The following CAMK1D variants were observed in gnomAD, a reference collection of about 807,000 sequenced individuals.
CAMK1D encodes calcium/calmodulin dependent protein kinase ID, also known as calcium/calmodulin-dependent protein kinase type 1D.
Under a neutral mutation model 47.7 loss-of-function variants are expected in CAMK1D, and 9 were observed. The observed-to-expected ratio is 0.19, with a 90% CI of 0.11 to 0.33. The LOEUF (loss-of-function observed/expected upper bound fraction) is 0.33. CAMK1D is among the 10% of genes least tolerant of loss of function. The pLI is 1.00. For missense variants in CAMK1D, 291 were observed against 488.7 expected (o/e 0.60, Z 3.81); for synonymous variants, 184 against 184.9 (o/e 0.99, Z 0.04).
At chr10:12,489,172 T>C (rs188169297) in intron 1 of CAMK1D, among the ~76,000 whole-genome samples, 1 of 152,220 alleles carries the variant, frequency 6.6e-6, no homozygotes, top group Non-Finnish European at 1.5e-5. Flanking sequence ...TCCCCTGACC[T>C]TGTGATCCGC....
At chr10:12,554,615 G>A (rs11257884) in intron 2 of CAMK1D, among the ~76,000 whole-genome samples, 48,214 of 145,310 alleles carry the variant, frequency 0.33, 9,485 homozygotes, top group Admixed American at 0.35. Context: ...TTGTCTCACC[G>A]CAGCCTCAAC....
chr10:12,778,782 A>T (rs1183679696), intron 5 of CAMK1D, among the ~76,000 whole-genome samples: 3 of 152,160 alleles, frequency 2.0e-5, no homozygotes, highest in Admixed American at 1.3e-4. Context: ...CTGACGCAGG[A>T]GGATCACCTG....
At chr10:12,471,225 T>A (rs534983316) in intron 1 of CAMK1D, among the ~76,000 whole-genome samples, 2 of 152,316 alleles carry the variant, frequency 1.3e-5, no homozygotes, top group South Asian at 4.1e-4. Flanking sequence ...TGTCCCACTT[T>A]CAAAGTGGGA....
intron 3 of CAMK1D, among the ~76,000 whole-genome samples, chr10:12,727,558 AAC>A (rs1303626452): frequency 6.6e-6 from 1 of 152,196 alleles, no homozygotes; most frequent in Non-Finnish European, 1.5e-5. Context: ...CACAACAGAC[AAC>A]AGTGTCTTCT....
intron 6 of CAMK1D, among the ~76,000 whole-genome samples, chr10:12,806,606 G>A (rs1172839721): frequency 1.3e-5 from 2 of 152,212 alleles, no homozygotes; most frequent in Non-Finnish European, 2.9e-5. Flanking sequence ...CCGTGTTGAG[G>A]CTCCTCCCCT....
chr10:12,829,732 C>CAA lies in CAMK1D; in HGVS notation c.*861_*862dup, dbSNP rs33936519. 40,976 of 125,504 alleles carry CAA rather than the reference C, an allele frequency of 0.33. 6,409 individuals carry two copies. The highest frequency in any genetic ancestry group is 0.44 in the South Asian group (1,606 of 3,674). The allele number at this position is 125,504 out of a possible 1,614,324, so 7.8% of individuals were successfully genotyped here. A position where few individuals can be genotyped will look rare whatever the true frequency, so the allele number is the denominator to read the frequency against. On this transcript the variant is annotated 3_prime_UTR_variant, in exon 11 of 11. Transcript: ENST00000619168. ...TGGGTGACAGAGCAAGACTCTGTCT[C>CAA]AAAAAAAAAAAAAAAAATTCTAACA... is the stretch of plus-strand genomic sequence containing the variant.
intron 1 of CAMK1D, among the ~76,000 whole-genome samples, chr10:12,390,249 A>T (rs1475621125): frequency 1.3e-5 from 2 of 151,270 alleles, no homozygotes; most frequent in Admixed American, 6.6e-5. Context: ...TTTAAAAATT[A>T]AAAAAAAAGA....
intron 1 of CAMK1D, among the ~76,000 whole-genome samples, chr10:12,503,953 A>G (rs1050121399): frequency 1.3e-5 from 2 of 152,056 alleles, no homozygotes; most frequent in Non-Finnish European, 2.9e-5. Flanking sequence ...CCTCAGCTGG[A>G]TTTCATGTGG....
intron 2 of CAMK1D, among the ~76,000 whole-genome samples, chr10:12,647,196 G>C (rs993529190): frequency 7.1e-5 from 10 of 141,454 alleles, no homozygotes; most frequent in African/African-American, 2.6e-4. Flanking sequence ...TGTTGCCCAG[G>C]CTGGAGTGCA....
intron 3 of CAMK1D, among the ~76,000 whole-genome samples, chr10:12,743,856 C>T (rs928703308): frequency 6.6e-6 from 1 of 152,122 alleles, no homozygotes; most frequent in Non-Finnish European, 1.5e-5. Flanking sequence ...AACCCTGTCT[C>T]TACTAAAAAT....
chr10:12,386,596 C>A (rs1268236278), intron 1 of CAMK1D, among the ~76,000 whole-genome samples: 1 of 151,932 alleles, frequency 6.6e-6, no homozygotes, highest in Non-Finnish European at 1.5e-5. Context: ...CGTGGGCAGA[C>A]AATATACTGC....
intron 1 of CAMK1D, among the ~76,000 whole-genome samples, chr10:12,535,172 G>A (rs1835930164): frequency 6.6e-6 from 1 of 152,174 alleles, no homozygotes; most frequent in Admixed American, 6.5e-5. Flanking sequence ...TGGGGACTCT[G>A]CCTGCTCTCA....
intron 3 of CAMK1D, among the ~76,000 whole-genome samples, chr10:12,711,480 G>A (rs983862493): frequency 1.3e-5 from 2 of 152,186 alleles, no homozygotes; most frequent in Non-Finnish European, 1.5e-5. Flanking sequence ...GCCTTTTGGA[G>A]TTTCAGAATG....
chr10:12,468,421 G>C (rs1833653827), intron 1 of CAMK1D, among the ~76,000 whole-genome samples: 1 of 152,224 alleles, frequency 6.6e-6, no homozygotes, highest in South Asian at 2.1e-4. Flanking sequence ...GAAAATAAAA[G>C]CCATGTTGTG....
chr10:12,563,880 AT>A (rs1226348031), intron 2 of CAMK1D, among the ~76,000 whole-genome samples: 1 of 152,108 alleles, frequency 6.6e-6, no homozygotes, highest in Admixed American at 6.5e-5. Context: ...TTGCATGTTT[AT>A]TTCCTTGTGC....
intron 6 of CAMK1D, 64 bp downstream of exon 6, chr10:12,791,297 C>T (rs1338967056): frequency 4.2e-6 from 6 of 1,429,346 alleles, no homozygotes; most frequent in Non-Finnish European, 5.9e-6. Context: ...GTGAAATATA[C>T]ATGAAACAAA....
intron 1 of CAMK1D, among the ~76,000 whole-genome samples, chr10:12,485,414 C>G (rs924685540): frequency 8.5e-5 from 13 of 152,120 alleles, no homozygotes; most frequent in Non-Finnish European, 1.6e-4. Flanking sequence ...ACAGGCAGCA[C>G]AATGGTGGTG....
At position 12,644,662 on chromosome 10, in the gene CAMK1D, A is replaced by T. The variant is rs1199046663; in HGVS notation, c.225-22074A>T. Among the ~76,000 whole-genome samples, 3 of 152,140 alleles carry T rather than the reference A, an allele frequency of 2.0e-5. No homozygotes were observed. In the East Asian group the frequency reaches 5.8e-4, roughly 29 times the overall value. ...AGAGCTTCAGTAACCTCCAATACGG[A>T]GGCTTCCCTCTGCTTCTAAAGGGGC... On this transcript the variant is annotated intron_variant, in intron 2 of 10. Coordinates refer to ENST00000619168, the MANE Select transcript of CAMK1D (RefSeq NM_153498.4).
chr10:12,693,600 C>A (rs934613255), intron 3 of CAMK1D, among the ~76,000 whole-genome samples: 2 of 151,744 alleles, frequency 1.3e-5, no homozygotes, highest in Non-Finnish European at 2.9e-5. Context: ...CCACTGCACT[C>A]CAAGCAGTGA....
Sources: gnomAD v4.1 joint callset for allele counts (sites outside exome capture counted in the v4.1 genomes callset) on GRCh38, gnomAD v4.1.1 for gene constraint, MANE v1.5 for transcripts, NCBI Gene and HGNC (gene_info 2026-07-23, HGNC 2026-07-21) for gene names.